Variants in MLXIP observed in about 807,000 individuals in gnomAD.
MLXIP encodes MLX interacting protein.
A neutral mutation model predicts 87.2 loss-of-function variants in MLXIP; 30 were observed. The ratio of observed to expected loss-of-function variants is 0.34; its 90% CI spans 0.26 to 0.47. MLXIP has a LOEUF of 0.47. MLXIP is among the 20% of genes least tolerant of loss of function. The pLI is 1.00. For missense variants in MLXIP, 1,002 were observed against 1,240.1 expected, an observed-to-expected ratio of 0.81 and a Z score of 2.88; for synonymous variants, 530 against 514.0, an observed-to-expected ratio of 1.03 and a Z score of -0.42.
chr12:122,114,036 A>G (rs1355150210), intron 1 of MLXIP, among the ~76,000 whole-genome samples: 3 of 130,430 alleles, frequency 2.3e-5, no homozygotes, highest in Admixed American at 8.6e-5. Context: ...CCCAGGCTAG[A>G]GTGTAATGGC....
At chr12:122,102,914 G>A (rs1057161914) in intron 1 of MLXIP, among the ~76,000 whole-genome samples, 2 of 152,204 alleles carry the variant, frequency 1.3e-5, no homozygotes, top group Admixed American at 6.5e-5. Flanking sequence ...GGGTCGAAGT[G>A]GAATAACTAA....
chr12:122,101,574 C>A (rs1481801727), intron 1 of MLXIP, among the ~76,000 whole-genome samples: 43 of 61,808 alleles, frequency 7.0e-4, no homozygotes, highest in African/African-American at 2.4e-3. Flanking sequence ...TTATTTTTTT[C>A]TTTTTTTTTC....
At chr12:122,121,340 G>T (rs1952781498) in intron 1 of MLXIP, among the ~76,000 whole-genome samples, 1 of 138,838 alleles carries the variant, frequency 7.2e-6, no homozygotes, top group South Asian at 2.3e-4. Flanking sequence ...AATTGAGATG[G>T]AGTCTTGCTC....
chr12:122,139,185 G>A (rs981385006), intron 15 of MLXIP, among the ~76,000 whole-genome samples: 4 of 152,098 alleles, frequency 2.6e-5, no homozygotes, highest in East Asian at 1.9e-4. Context: ...GGTGGGCTTC[G>A]CTCTCTAGGT....
In MLXIP at chr12:122,137,261, TAA is replaced by T; in HGVS notation, c.2033-207_2033-206del. 2.0e-6 allele frequency: 1 copy of T among 488,996 alleles called. No homozygotes were observed. The highest frequency in any genetic ancestry group is 3.5e-6 in the Non-Finnish European group (1 of 284,762). The allele number at this position is 488,996 out of a possible 1,614,324, so 30.3% of individuals were successfully genotyped here. ...TTGCTCCATCGTGTTCTGTGTGGAT[TAA>T]GGGTGTTTTTGTTGTTGTTATTAAT... On this transcript the variant is annotated intron_variant, in intron 11 of 16. Coordinates refer to ENST00000319080, the MANE Select transcript of MLXIP (RefSeq NM_014938.6). The surrounding 1 kb of genome is among the most constrained non-coding windows in gnomAD (Gnocchi z 4.1).
intron 1 of MLXIP, among the ~76,000 whole-genome samples, chr12:122,106,508 T>A (rs1376122950): frequency 6.6e-6 from 1 of 152,064 alleles, no homozygotes; most frequent in Non-Finnish European, 1.5e-5. Context: ...GTTGCTGGGA[T>A]GTTCCACTCC....
intron 1 of MLXIP, among the ~76,000 whole-genome samples, chr12:122,103,199 G>GTATTTATT (rs754355713): frequency 6.4e-5 from 6 of 93,766 alleles, no homozygotes; most frequent in African/African-American, 2.1e-4. Flanking sequence ...ATGTATGTAT[G>GTATTTATT]TATTTATTTA....
At chr12:122,131,018 C>A (rs1010632922) in intron 7 of MLXIP, 85 bp downstream of exon 7, 8 of 910,032 alleles carry the variant, frequency 8.8e-6, no homozygotes, top group Non-Finnish European at 1.4e-5. Context: ...CTTTAAGAGG[C>A]GAGACTTGGT....
chr12:122,104,965 C>G (rs1952497712), intron 1 of MLXIP, among the ~76,000 whole-genome samples: 1 of 152,174 alleles, frequency 6.6e-6, no homozygotes, highest in Non-Finnish European at 1.5e-5. Context: ...TCTTGAAGTC[C>G]GTCCCACAGT....
chr12:122,140,453 C>T (rs1159992118), intron 15 of MLXIP, among the ~76,000 whole-genome samples: 9 of 152,080 alleles, frequency 5.9e-5, no homozygotes, highest in African/African-American at 1.7e-4. Flanking sequence ...CCCACCACCA[C>T]GCCCAGCTAA....
At position 122,138,805 on chromosome 12, in the gene MLXIP, G is replaced by GTCATT. The variant is rs771859865; in HGVS notation, c.2385-6_2385-2dup. The GTCATT allele has an allele frequency of 6.2e-7, 1 of 1,612,544 alleles. No individual in the cohort carries two copies. Among genetic ancestry groups the GTCATT allele is most frequent in the Non-Finnish European group, 8.5e-7 (1 of 1,179,550 alleles). ...CTGCTCCACAGCTCCCACGGCTCCTGTCATTTCAGCTCCTGCCAGCAGCTG... is the reference window on the plus strand; with the variant it reads ...CTGCTCCACAGCTCCCACGGCTCCTGTCATTTCATTTCAGCTCCTGCCAGCAGCTG... On this transcript the variant is annotated splice_polypyrimidine_tract_variant and intron_variant, in intron 14 of 16. Transcript: ENST00000319080.
chr12:122,090,939 T>C (rs1952237101), intron 1 of MLXIP, among the ~76,000 whole-genome samples: 1 of 151,614 alleles, frequency 6.6e-6, no homozygotes, highest in Non-Finnish European at 1.5e-5. Flanking sequence ...AGCAGAGCAG[T>C]GGCTGCCAAG....
intron 4 of MLXIP, 52 bp downstream of exon 4, chr12:122,129,278 T>C: frequency 2.7e-6 from 4 of 1,500,634 alleles, no homozygotes; most frequent in Non-Finnish European, 3.6e-6. Flanking sequence ...GTGGGCAGAG[T>C]CCCTGGTTCA....
At chr12:122,080,329 G>A (rs772097808) in intron 1 of MLXIP, among the ~76,000 whole-genome samples, 2 of 152,116 alleles carry the variant, frequency 1.3e-5, no homozygotes, top group Admixed American at 1.3e-4. Flanking sequence ...TGGAGGCATC[G>A]CGGGAGAAGT....
At chr12:122,120,798 C>G (rs910845149) in intron 1 of MLXIP, among the ~76,000 whole-genome samples, 1 of 152,046 alleles carries the variant, frequency 6.6e-6, no homozygotes, top group Admixed American at 6.6e-5. Flanking sequence ...TGTCCTGCAG[C>G]ACTCACTGTG....
At chr12:122,132,251 G>T in intron 7 of MLXIP, 41 bp from the exon 8 acceptor site, 1 of 1,483,928 alleles carries the variant, frequency 6.7e-7, no homozygotes. Flanking sequence ...AGCAAATGCT[G>T]GGCACACTGA....
chr12:122,093,152 C>A (rs1048696299), intron 1 of MLXIP, among the ~76,000 whole-genome samples: 1 of 121,898 alleles, frequency 8.2e-6, no homozygotes, highest in Non-Finnish European at 1.7e-5. Flanking sequence ...TGTGTGTTGG[C>A]GTGTAGGGTA....
rs773115881 is a variant in MLXIP, at chr12:122,079,130, C to A, written c.277C>A (p.Pro93Thr). ...GTCGTCGCCGCACCGAGAGCACCCGCCCAAGAAGGGCTACGATTTCGACAC... is the reference window on the plus strand; with the variant it reads ...GTCGTCGCCGCACCGAGAGCACCCGACCAAGAAGGGCTACGATTTCGACAC... ...MVSSPHREHP[P>T]KKGYDFDTVN... Residue 93 changes from proline (P) to threonine (T), a missense_variant, in exon 1 of 17, where the codon CCC becomes ACC. Pro to Thr is a conservative substitution (Grantham distance 38). Transcript: ENST00000319080. The A allele has an allele frequency of 6.4e-7, 1 of 1,550,888 alleles. No individual in the cohort carries two copies. Among genetic ancestry groups the A allele is most frequent in the Non-Finnish European group, 8.7e-7 (1 of 1,146,872 alleles).
intron 1 of MLXIP, among the ~76,000 whole-genome samples, chr12:122,098,397 T>A (rs1952388015): frequency 6.6e-6 from 1 of 152,206 alleles, no homozygotes; most frequent in African/African-American, 2.4e-5. Context: ...TGTGCTGCCC[T>A]CCCAGACGAC....
Sources: gnomAD v4.1 joint callset for allele counts (sites outside exome capture counted in the v4.1 genomes callset) on GRCh38, gnomAD v4.1.1 for gene constraint, Gnocchi (gnomAD v3.1) non-coding constraint, MANE v1.5 for transcripts, NCBI Gene and HGNC (gene_info 2026-07-23, HGNC 2026-07-21) for gene names.